Variants in KANSL1L observed in about 807,000 individuals in gnomAD.
The protein encoded by KANSL1L is KAT8 regulatory NSL complex subunit 1 like.
A neutral mutation model predicts 108.6 loss-of-function variants in KANSL1L; 25 were observed. The observed-to-expected ratio is 0.23, with a 90% confidence interval of 0.17 to 0.32. The LOEUF is 0.32. Among genes scored for constraint, KANSL1L ranks in the 10% least tolerant of loss-of-function variants. The probability of loss-of-function intolerance (pLI) is 1.00; values close to 1 mark genes in which losing one functional copy is unlikely to be tolerated. For synonymous variants in KANSL1L, 405 were observed against 395.1 expected, an observed-to-expected ratio of 1.03 and a Z score of -0.30; for missense variants, 1,137 against 1,125.7, an observed-to-expected ratio of 1.01 and a Z score of -0.14.
chr2:210,092,462 A>C (rs935760797), intron 5 of KANSL1L, among the ~76,000 whole-genome samples: 1 of 152,170 alleles, frequency 6.6e-6, no homozygotes, highest in Non-Finnish European at 1.5e-5. Flanking sequence ...TTACTTAGTT[A>C]TTATATTCAG....
At chr2:210,147,024 T>G (rs2095270804) in intron 2 of KANSL1L, among the ~76,000 whole-genome samples, 1 of 152,166 alleles carries the variant, frequency 6.6e-6, no homozygotes. Context: ...GCTTTGCCAT[T>G]AACTAACAAC....
chr2:210,023,255 A>G, intron 14 of KANSL1L, 76 bp from the exon 15 acceptor site: 1 of 961,754 alleles, frequency 1.0e-6, no homozygotes, highest in Non-Finnish European at 1.6e-6. Flanking sequence ...TAATCTGTAC[A>G]TGTCTATATT....
At chr2:210,145,936 A>C (rs369502326) in intron 2 of KANSL1L, among the ~76,000 whole-genome samples, 12 of 151,650 alleles carry the variant, frequency 7.9e-5, no homozygotes, top group African/African-American at 2.7e-4. Flanking sequence ...TCTGGGGCTC[A>C]TGTCAGGATT....
At chr2:210,082,858 C>T (rs180767551) in intron 5 of KANSL1L, among the ~76,000 whole-genome samples, 43 of 152,256 alleles carry the variant, frequency 2.8e-4, no homozygotes, top group African/African-American at 1.0e-3. Context: ...TGATAGTTTC[C>T]TAGGTGTCCC....
At chr2:210,090,059 C>T (rs79456462) in intron 5 of KANSL1L, among the ~76,000 whole-genome samples, 2,600 of 152,190 alleles carry the variant, frequency 0.017, 82 homozygotes, top group African/African-American at 0.06. Flanking sequence ...GCTGAATCAA[C>T]GACTAGTATA....
At chr2:210,097,501 A>T (rs1439603050) in intron 5 of KANSL1L, 1 of 169,894 alleles carries the variant, frequency 5.9e-6, no homozygotes, top group Non-Finnish European at 1.2e-5. Flanking sequence ...GTTCTAAGAG[A>T]AAAGGAAACA....
Position 210,022,661 on chromosome 2 carries a change from T to TA in KANSL1L, c.*287dup, listed in dbSNP as rs2125104716. The stretch of plus-strand genomic sequence containing the variant: ...GGTGTGGGTACATAGTCTTAAAAAT[T>TA]ACCCAGTAATGTGATTTGACATCAA... On this transcript the variant is annotated 3_prime_UTR_variant, in exon 15 of 15. Transcript: ENST00000281772. 1 of 366,278 alleles carries TA rather than the reference T, an allele frequency of 2.7e-6. No homozygotes were observed. The highest frequency in any genetic ancestry group is 2.9e-5 in the South Asian group (1 of 34,962). The allele number at this position is 366,278 out of a possible 1,614,324, so 22.7% of individuals were successfully genotyped here.
chr2:210,110,295 T>A (rs995074410), intron 3 of KANSL1L, among the ~76,000 whole-genome samples: 1 of 152,212 alleles, frequency 6.6e-6, no homozygotes, highest in African/African-American at 2.4e-5. Context: ...TTGCAGAGGA[T>A]GGTATCCTTA....
chr2:210,168,185 T>C (rs926597991), intron 1 of KANSL1L, among the ~76,000 whole-genome samples: 10 of 152,060 alleles, frequency 6.6e-5, no homozygotes, highest in Non-Finnish European at 1.0e-4. Context: ...GTCCAATAAA[T>C]GTCACTCCTG....
At chr2:210,165,807 T>C (rs973544237) in intron 1 of KANSL1L, among the ~76,000 whole-genome samples, 4 of 152,322 alleles carry the variant, frequency 2.6e-5, no homozygotes, top group African/African-American at 9.6e-5. Context: ...TCTCCCCTTA[T>C]CAGCTGTTTC....
At chr2:210,156,158 G>A (rs2095331886) in intron 1 of KANSL1L, among the ~76,000 whole-genome samples, 1 of 152,022 alleles carries the variant, frequency 6.6e-6, no homozygotes, top group South Asian at 2.1e-4. Flanking sequence ...CATCCAAATG[G>A]TCATTAAACA....
intron 6 of KANSL1L, among the ~76,000 whole-genome samples, chr2:210,068,205 G>A (rs1371333708): frequency 2.0e-5 from 3 of 151,864 alleles, no homozygotes; most frequent in Non-Finnish European, 4.4e-5. Context: ...AATTTATTGT[G>A]GTAAAATACA....
intron 2 of KANSL1L, among the ~76,000 whole-genome samples, chr2:210,131,520 T>C (rs531259816): frequency 6.6e-6 from 1 of 151,940 alleles, no homozygotes; most frequent in African/African-American, 2.4e-5. Context: ...CAGAAAAAAA[T>C]GCCATAGAAC....
chr2:210,136,185 G>A (rs2302539), intron 2 of KANSL1L, among the ~76,000 whole-genome samples: 68,515 of 151,788 alleles, frequency 0.45, 15,771 homozygotes, highest in African/African-American at 0.57. Context: ...GCAGAACCTA[G>A]TGTCAACTGC....
At chr2:210,065,579 A>ATT (rs57999970) in intron 6 of KANSL1L, among the ~76,000 whole-genome samples, 12 of 64,866 alleles carry the variant, frequency 1.8e-4, no homozygotes, top group East Asian at 1.0e-3. Context: ...CCTGGACATG[A>ATT]TTTTTTTTTT....
chr2:210,043,388 C>G (rs1485136214), intron 7 of KANSL1L: 2 of 153,890 alleles, frequency 1.3e-5, no homozygotes, highest in Non-Finnish European at 2.7e-5. Context: ...GACCCTGTCT[C>G]AAAACAAAAC....
chr2:210,023,091 T>G lies in KANSL1L; in HGVS notation c.2822A>C (p.Glu941Ala). 1 of 1,614,090 alleles carries G rather than the reference T, an allele frequency of 6.2e-7. No homozygotes were observed. Among genetic ancestry groups the G allele is most frequent in the South Asian group, 1.1e-5 (1 of 91,080 alleles). The change falls in exon 15 of 15, where the codon GAA (glutamate) becomes GCA (alanine). Residue 941 changes from glutamate (E) to alanine (A), a missense_variant. Coordinates refer to ENST00000281772, the MANE Select transcript of KANSL1L (RefSeq NM_152519.4). ...LCQDEKKDQV[E>A]RSSTAFHGEI... Reference sequence around the variant, plus strand: ...ACCATGGAAAGCTGTGCTTGACCTTTCAACCTGATCCTTTTTTTCATCTTG... The same window carrying G: ...ACCATGGAAAGCTGTGCTTGACCTTGCAACCTGATCCTTTTTTTCATCTTG...
chr2:210,049,523 G>T (rs6732072), intron 6 of KANSL1L, among the ~76,000 whole-genome samples: 12,980 of 152,054 alleles, frequency 0.085, 586 homozygotes, highest in Middle Eastern at 0.15. Flanking sequence ...TTGTTTCAGG[G>T]AGGCTGAGGT....
chr2:210,129,015 C>G lies in KANSL1L; in HGVS notation c.1230+16G>C. ...ACAATTTTTAACAAAAGTAGAAGAA[C>G]ACAGACAGACAATACCTTGGAGGCA... On this transcript the variant is annotated intron_variant, in intron 3 of 14. Coordinates refer to ENST00000281772, the MANE Select transcript of KANSL1L (RefSeq NM_152519.4). 1.3e-6 allele frequency: 2 copies of G among 1,599,360 alleles called. No individual in the cohort carries two copies. Among genetic ancestry groups the G allele is most frequent in the South Asian group, 2.2e-5 (2 of 89,900 alleles).
Sources: allele counts gnomAD v4.1 joint callset (sites outside exome capture counted in the v4.1 genomes callset), GRCh38; gene constraint gnomAD v4.1.1; transcripts MANE v1.5; gene names NCBI Gene and HGNC (gene_info 2026-07-23, HGNC 2026-07-21).